The following LEF1 variants were observed in gnomAD, a reference collection of about 807,000 sequenced individuals.
LEF1 encodes lymphoid enhancer binding factor 1.
In LEF1, 14 loss-of-function variants were observed where a neutral mutation model predicts 51.2. The observed-to-expected ratio is 0.27, with a 90% CI of 0.18 to 0.43. The LOEUF is 0.43. Ranked by LOEUF, LEF1 falls within the 20% of genes least tolerant of loss-of-function variation. The probability of loss-of-function intolerance (pLI) is 1.00; values close to 1 mark genes in which losing one functional copy is unlikely to be tolerated. For missense variants in LEF1, 386 were observed against 512.0 expected (o/e 0.75, Z 2.37); for synonymous variants, 185 against 183.2 (o/e 1.01, Z -0.08).
chr4:108,075,278 A>C (rs1738777785), intron 8 of LEF1: 1 of 152,242 alleles, frequency 6.6e-6, no homozygotes, highest in Admixed American at 6.5e-5. Flanking sequence ...GGAATCGATA[A>C]TGTAAGAGGG....
intron 11 of LEF1, among the ~76,000 whole-genome samples, chr4:108,049,905 C>T (rs193233029): frequency 3.3e-4 from 50 of 152,298 alleles, no homozygotes; most frequent in African/African-American, 7.5e-4. Flanking sequence ...ATGGGAACTG[C>T]GAGGACACCT....
At chr4:108,144,026 A>C (rs1400119120) in intron 3 of LEF1, among the ~76,000 whole-genome samples, 4 of 152,050 alleles carry the variant, frequency 2.6e-5, no homozygotes, top group Non-Finnish European at 5.9e-5. Context: ...TATGCTCCTT[A>C]CTGAAAAGAA....
At chr4:108,104,737 G>A in intron 3 of LEF1, 1 of 961,122 alleles carries the variant, frequency 1.0e-6, no homozygotes, top group Non-Finnish European at 1.2e-6. Flanking sequence ...TCCCCATGAT[G>A]GCAAAAGGGC....
At chr4:108,113,494 C>A (rs908094697) in intron 3 of LEF1, among the ~76,000 whole-genome samples, 1 of 152,188 alleles carries the variant, frequency 6.6e-6, no homozygotes, top group Non-Finnish European at 1.5e-5. Flanking sequence ...GGAGTACCCA[C>A]CCTGCCACAA....
At chr4:108,101,870 G>A (rs908985289) in intron 3 of LEF1, among the ~76,000 whole-genome samples, 3 of 152,120 alleles carry the variant, frequency 2.0e-5, no homozygotes, top group African/African-American at 7.2e-5. Context: ...AGACCAGCCT[G>A]ACCAACATGG....
chr4:108,114,698 G>A (rs2110321765), intron 3 of LEF1, among the ~76,000 whole-genome samples: 1 of 152,332 alleles, frequency 6.6e-6, no homozygotes, highest in South Asian at 2.1e-4. Flanking sequence ...AGCAGCCAAA[G>A]AGCAAGGAAA....
chr4:108,120,015 G>A (rs1164354044), intron 3 of LEF1, among the ~76,000 whole-genome samples: 3 of 151,596 alleles, frequency 2.0e-5, no homozygotes, highest in East Asian at 1.9e-4. Context: ...GTGTGTGTGT[G>A]TGTGTGTGTG....
chr4:108,162,787 A>G (rs1745142585), intron 3 of LEF1, among the ~76,000 whole-genome samples: 1 of 152,148 alleles, frequency 6.6e-6, no homozygotes, highest in South Asian at 2.1e-4. Flanking sequence ...TCTAAGAGAG[A>G]ACTCCATCAC....
chr4:108,076,662 G>A (rs1301032904), intron 8 of LEF1, among the ~76,000 whole-genome samples: 1 of 152,210 alleles, frequency 6.6e-6, no homozygotes, highest in Non-Finnish European at 1.5e-5. Context: ...ACAGGCATGA[G>A]CCACCGTGCC....
At chr4:108,052,711 C>T (rs1289780512) in intron 11 of LEF1, among the ~76,000 whole-genome samples, 1 of 152,078 alleles carries the variant, frequency 6.6e-6, no homozygotes, top group Non-Finnish European at 1.5e-5. Flanking sequence ...CCCATGGTGA[C>T]CCCTAGAGAG....
chr4:108,125,724 T>TG (rs59496608), intron 3 of LEF1, among the ~76,000 whole-genome samples: 4,951 of 152,136 alleles, frequency 0.033, 251 homozygotes, highest in African/African-American at 0.11. Context: ...ATTTTTTTTT[T>TG]TTTTTAGCAC....
intron 1 of LEF1, 112 bp from the exon 2 acceptor site, chr4:108,165,275 A>G: frequency 1.1e-6 from 1 of 920,362 alleles, no homozygotes. Flanking sequence ...TTTAGGGGCA[A>G]CTCTGTTTTA....
At chr4:108,146,870 A>G (rs139772299) in intron 3 of LEF1, among the ~76,000 whole-genome samples, 56 of 152,330 alleles carry the variant, frequency 3.7e-4, no homozygotes, top group African/African-American at 1.3e-3. Context: ...AGTGAGCTCT[A>G]AAGTCTGGTA....
At chr4:108,083,002 T>C (rs1174970973) in intron 5 of LEF1, among the ~76,000 whole-genome samples, 1 of 152,222 alleles carries the variant, frequency 6.6e-6, no homozygotes, top group East Asian at 1.9e-4. Context: ...AATTCATTTT[T>C]GAAAAATATA....
At chr4:108,149,956 CAAA>C (rs754575483) in intron 3 of LEF1, among the ~76,000 whole-genome samples, 2 of 120,960 alleles carry the variant, frequency 1.7e-5, no homozygotes, top group Non-Finnish European at 1.8e-5. Flanking sequence ...TACTGTTAAC[CAAA>C]AAAAAAAAAA....
chr4:108,100,743 A>G (rs1740765673), intron 3 of LEF1, among the ~76,000 whole-genome samples: 1 of 152,174 alleles, frequency 6.6e-6, no homozygotes, highest in Non-Finnish European at 1.5e-5. Context: ...GATTATTTAT[A>G]CCATGGAAAT....
rs35000095 is a variant in LEF1 at position 108,167,351 on chromosome 4, TACACACACACACACACACACACAC to T, written c.213+180_213+203del. ...TACCCTGCCCCTCTACCTCCCATCC[TACACACACACACACACACACACAC>T]ACACACACACACACACACACTGCGG... On this transcript the variant is annotated intron_variant, in intron 1 of 11. Transcript: ENST00000265165. This position sits in a 1 kb window ranked among gnomAD's most constrained non-coding sequence, Gnocchi z 5.7. Among the ~76,000 whole-genome samples the T allele has an allele frequency of 7.6e-5, 10 of 131,770 alleles. No homozygotes were observed. The highest frequency in any genetic ancestry group is 1.1e-4 in the Non-Finnish European group (7 of 61,182). 86.4% of individuals were successfully genotyped at this position (131,770 alleles called of 152,430 possible). A position where few individuals can be genotyped will look rare whatever the true frequency, so the allele number is the denominator to read the frequency against.
At chr4:108,064,012 T>C (rs974300511) in intron 10 of LEF1, among the ~76,000 whole-genome samples, 6 of 152,062 alleles carry the variant, frequency 3.9e-5, no homozygotes, top group African/African-American at 1.4e-4. Context: ...TTATATAACA[T>C]AGTAAAAAGG....
chr4:108,077,069 T>G (rs907182832), intron 8 of LEF1, among the ~76,000 whole-genome samples: 1 of 146,944 alleles, frequency 6.8e-6, no homozygotes, highest in Admixed American at 6.8e-5. Flanking sequence ...CCAGAAACGG[T>G]GGCTCCCACT....
Sources: gnomAD v4.1 joint callset for allele counts (sites outside exome capture counted in the v4.1 genomes callset) on GRCh38, gnomAD v4.1.1 for gene constraint, Gnocchi (gnomAD v3.1) non-coding constraint, MANE v1.5 for transcripts, NCBI Gene and HGNC (gene_info 2026-07-23, HGNC 2026-07-21) for gene names.